The following RBFOX1 variants were observed in gnomAD, a reference collection of about 807,000 sequenced individuals.
RBFOX1 encodes RNA binding protein fox-1 homolog 1.
Under a neutral mutation model 57.7 loss-of-function variants are expected in RBFOX1, and 8 were observed. The observed-to-expected ratio is 0.14, with a 90% CI of 0.08 to 0.25. The LOEUF is 0.25. Ranked by LOEUF, RBFOX1 falls within the 10% of genes least tolerant of loss-of-function variation. The probability of loss-of-function intolerance (pLI) is 1.00; values close to 1 mark genes in which losing one functional copy is unlikely to be tolerated. For synonymous variants in RBFOX1, 326 were observed against 222.4 expected (o/e 1.47, Z -4.15); for missense variants, 611 against 548.5 (o/e 1.11, Z -1.14).
chr16:6,893,923 T>C (rs1364794264), intron 3 of RBFOX1, among the ~76,000 whole-genome samples: 1 of 152,162 alleles, frequency 6.6e-6, no homozygotes, highest in Non-Finnish European at 1.5e-5. Flanking sequence ...CAAGCTGACC[T>C]GGAGAATGAA....
chr16:6,957,680 T>C (rs937820246), intron 3 of RBFOX1, among the ~76,000 whole-genome samples: 1 of 152,142 alleles, frequency 6.6e-6, no homozygotes, highest in Admixed American at 6.5e-5. Flanking sequence ...TAGAATGCCT[T>C]AACCTCAGGG....
intron 2 of RBFOX1, among the ~76,000 whole-genome samples, chr16:5,549,200 T>C (rs1406386384): frequency 1.1e-4 from 16 of 152,126 alleles, no homozygotes; most frequent in Non-Finnish European, 1.6e-4. Context: ...GTGGCAAACT[T>C]GTTGAGAAGG....
intron 4 of RBFOX1, among the ~76,000 whole-genome samples, chr16:7,444,207 T>C (rs1476835188): frequency 6.6e-6 from 1 of 152,240 alleles, no homozygotes; most frequent in East Asian, 1.9e-4. Flanking sequence ...CTCATGTAAA[T>C]ATCTTCTGGA....
chr16:7,056,440 T>C (rs868560681), intron 4 of RBFOX1, among the ~76,000 whole-genome samples: 1 of 152,184 alleles, frequency 6.6e-6, no homozygotes, highest in African/African-American at 2.4e-5. Context: ...CCACTCCTGA[T>C]CCTATAGGCT....
intron 4 of RBFOX1, among the ~76,000 whole-genome samples, chr16:7,215,966 G>A (rs913502661): frequency 3.3e-5 from 5 of 152,032 alleles, no homozygotes; most frequent in African/African-American, 1.2e-4. Context: ...CTTGTGATCC[G>A]CACGCCTCGG....
chr16:7,360,203 T>C (rs2097295352), intron 4 of RBFOX1, among the ~76,000 whole-genome samples: 2 of 152,210 alleles, frequency 1.3e-5, no homozygotes, highest in African/African-American at 2.4e-5. Flanking sequence ...ATATATAGCA[T>C]GGTATTATGT....
intron 2 of RBFOX1, among the ~76,000 whole-genome samples, chr16:5,554,216 C>G (rs1275526375): frequency 2.6e-5 from 4 of 151,994 alleles, no homozygotes; most frequent in Non-Finnish European, 5.9e-5. Context: ...AGTGATCTGC[C>G]CACGTTGATC....
intron 1 of RBFOX1, chr16:6,038,590 TC>T (rs2095399896): frequency 7.1e-6 from 1 of 141,718 alleles, no homozygotes; most frequent in Non-Finnish European, 1.5e-5. Context: ...ATATATAAAA[TC>T]CATATATATA....
chr16:5,875,588 G>C (rs2057587087), intron 4 of RBFOX1, among the ~76,000 whole-genome samples: 2 of 152,132 alleles, frequency 1.3e-5, no homozygotes, highest in Non-Finnish European at 1.5e-5. Flanking sequence ...CGTTGTAGTG[G>C]TTACTTTTAT....
chr16:6,872,741 C>T (rs891829851), intron 3 of RBFOX1, among the ~76,000 whole-genome samples: 1 of 151,920 alleles, frequency 6.6e-6, no homozygotes. Flanking sequence ...GTTTTTTGTC[C>T]TTCAGGAGTT....
chr16:5,419,484 G>A (rs1331313404), intron 1 of RBFOX1, among the ~76,000 whole-genome samples: 1 of 152,044 alleles, frequency 6.6e-6, no homozygotes, highest in African/African-American at 2.4e-5. Flanking sequence ...GGGTGGGTCT[G>A]CCTTTCCCAG....
chr16:5,914,678 C>G (rs1431077782), intron 4 of RBFOX1, among the ~76,000 whole-genome samples: 1 of 152,122 alleles, frequency 6.6e-6, no homozygotes, highest in African/African-American at 2.4e-5. Flanking sequence ...GGGCGGATCA[C>G]GAGGTCAGGA....
chr16:6,210,361 C>CAAAAAAAA (rs3064933), intron 1 of RBFOX1, among the ~76,000 whole-genome samples: 9 of 61,452 alleles, frequency 1.5e-4, no homozygotes, highest in South Asian at 1.6e-3. Context: ...AAAAAAACAC[C>CAAAAAAAA]AAAAAAAAAA....
intron 2 of RBFOX1, among the ~76,000 whole-genome samples, chr16:6,557,088 C>CAT (rs1312198163): frequency 6.4e-5 from 9 of 140,010 alleles, no homozygotes; most frequent in Non-Finnish European, 1.2e-4. Context: ...TATATACATA[C>CAT]ATATACATAT....
chr16:6,448,152 C>CT (rs200249081), intron 2 of RBFOX1, among the ~76,000 whole-genome samples: 2,045 of 92,236 alleles, frequency 0.022, 54 homozygotes, highest in African/African-American at 0.081. Flanking sequence ...CTTTTCTTTT[C>CT]TTTCTTTTTT....
chr16:5,864,392 A>G (rs1378928784), intron 3 of RBFOX1, among the ~76,000 whole-genome samples: 2 of 152,190 alleles, frequency 1.3e-5, no homozygotes, highest in Non-Finnish European at 2.9e-5. Context: ...GAAAGTTGCC[A>G]TTGACTTTTC....
chr16:5,537,704 C>T (rs1428379531), intron 2 of RBFOX1, among the ~76,000 whole-genome samples: 4 of 152,148 alleles, frequency 2.6e-5, no homozygotes, highest in East Asian at 1.9e-4. Flanking sequence ...TGGTTGAATC[C>T]TTCTCATTTT....
intron 11 of RBFOX1, among the ~76,000 whole-genome samples, chr16:7,645,327 T>A (rs757870358): frequency 2.6e-5 from 4 of 152,176 alleles, no homozygotes; most frequent in Non-Finnish European, 5.9e-5. Flanking sequence ...AATTTCCTCG[T>A]GCCATGTCAA....
chr16:6,876,231 C>T (rs2061824139), intron 3 of RBFOX1, among the ~76,000 whole-genome samples: 1 of 151,970 alleles, frequency 6.6e-6, no homozygotes, highest in Non-Finnish European at 1.5e-5. Context: ...CAACACAATC[C>T]ATCTTAGATT....
Sources: allele counts gnomAD v4.1 joint callset (sites outside exome capture counted in the v4.1 genomes callset), GRCh38; gene constraint gnomAD v4.1.1; transcripts MANE v1.5; gene names NCBI Gene and HGNC (gene_info 2026-07-23, HGNC 2026-07-21).